The following TTLL7 variants were observed in gnomAD, a reference collection of about 807,000 sequenced individuals.
TTLL7 encodes tubulin polyglutamylase TTLL7.
TTLL7 carries 53 observed loss-of-function variants against 120.2 expected under a neutral mutation model. That is an observed-to-expected ratio of 0.44 (90% CI 0.35 to 0.55). TTLL7 has a LOEUF of 0.55. Among genes scored for constraint, TTLL7 ranks in the 20% least tolerant of loss-of-function variants. TTLL7 has a pLI of 0.00. For synonymous variants in TTLL7, 353 were observed against 351.7 expected, an observed-to-expected ratio of 1.00 and a Z score of -0.04; for missense variants, 803 against 1,054.7, an observed-to-expected ratio of 0.76 and a Z score of 3.31.
intron 13 of TTLL7, 115 bp from the exon 14 acceptor site, chr1:83,917,805 A>C (rs1417828818): frequency 2.9e-6 from 2 of 691,274 alleles, no homozygotes; most frequent in African/African-American, 3.6e-5. Flanking sequence ...TATTTAGTGA[A>C]GATTGCTCAG....
At chr1:83,902,120 T>TTCC (rs1656773007) in intron 18 of TTLL7, 1 of 151,950 alleles carries the variant, frequency 6.6e-6, no homozygotes, top group African/African-American at 2.4e-5. Flanking sequence ...TGCTCTTGAT[T>TTCC]AGGAAAACCC....
intron 20 of TTLL7, among the ~76,000 whole-genome samples, chr1:83,881,196 C>T (rs1033375975): frequency 6.6e-6 from 1 of 151,694 alleles, no homozygotes; most frequent in African/African-American, 2.4e-5. Flanking sequence ...GACTTCATGT[C>T]TAAAACACCA....
At position 83,998,951 on chromosome 1, in the gene TTLL7, C is replaced by CCGGGTCCT. The variant is rs763953707; in HGVS notation, c.-205_-198dup. The CCGGGTCCT allele has an allele frequency of 7.0e-6, 3 of 429,370 alleles. No homozygotes were observed. The highest frequency in any genetic ancestry group is 6.3e-5 in the African/African-American group (3 of 47,526). The allele number at this position is 429,370 out of a possible 1,614,324, so 26.6% of individuals were successfully genotyped here. A position where few individuals can be genotyped will look rare whatever the true frequency, so the allele number is the denominator to read the frequency against. ...CTCACCCGGGTGAGGAAAGCCCAGC[C>CCGGGTCCT]CGGGTCCTCGCGTCCCCGCTGCAAG... On this transcript the variant is annotated 5_prime_UTR_variant, in exon 1 of 21. Transcript: ENST00000260505.
intron 10 of TTLL7, among the ~76,000 whole-genome samples, chr1:83,928,218 T>C (rs1004993856): frequency 4.6e-5 from 7 of 152,090 alleles, no homozygotes; most frequent in Non-Finnish European, 8.8e-5. Context: ...GCAAAAAACA[T>C]GTATAGGCAT....
At chr1:83,903,956 G>A in intron 18 of TTLL7, 123 bp downstream of exon 18, 1 of 748,218 alleles carries the variant, frequency 1.3e-6, no homozygotes, top group East Asian at 2.7e-5. Context: ...TACTTAATAA[G>A]TGTTTGTTGA....
At chr1:83,888,996 G>A (rs1655207751) in intron 19 of TTLL7, among the ~76,000 whole-genome samples, 1 of 151,924 alleles carries the variant, frequency 6.6e-6, no homozygotes, top group Non-Finnish European at 1.5e-5. Context: ...TACTTTATCT[G>A]TATCTCTTTT....
intron 1 of TTLL7, among the ~76,000 whole-genome samples, chr1:83,998,464 T>C (rs1343617534): frequency 6.6e-6 from 1 of 152,110 alleles, no homozygotes; most frequent in African/African-American, 2.4e-5. Context: ...GTGGAGAAAG[T>C]GAGAGGTACC....
chr1:83,903,692 G>GAA (rs1248694804), intron 18 of TTLL7, among the ~76,000 whole-genome samples: 1 of 151,606 alleles, frequency 6.6e-6, no homozygotes, highest in Non-Finnish European at 1.5e-5. Context: ...AATGACAAGG[G>GAA]AAAAAAAGTC....
rs1175286932 is a variant in TTLL7, at chr1:83,921,303, C to G, written c.1234G>C (p.Gly412Arg). Residue 412 changes from glycine to arginine, a missense_variant, in exon 11 of 21, where the codon GGC becomes CGC. Transcript: ENST00000260505. Reference sequence around the variant, plus strand: ...CTCTGCTGTTCCCAGTCTGAGGAGCCTGGTAAGAGCCTTTTAATTGAATTT... The same window carrying G: ...CTCTGCTGTTCCCAGTCTGAGGAGCGTGGTAAGAGCCTTTTAATTGAATTT... Reference protein sequence around the residue: ...GQNSIKRLLPGSSDWEQQRHQ... With the variant: ...GQNSIKRLLPRSSDWEQQRHQ... 6.2e-7 allele frequency: 1 copy of G among 1,613,156 alleles called. No homozygotes were observed. The highest frequency in any genetic ancestry group is 1.1e-5 in the South Asian group (1 of 91,006).
rs1241386299 is a variant in TTLL7 at position 83,960,678 on chromosome 1, T to G, written c.-176-8291A>C. On this transcript the variant is annotated intron_variant, in intron 1 of 20. Transcript: ENST00000260505. ...ATAAGAGATAAGGGAATCCTCTACT[T>G]TTATAGGTAAAATGGTGTTAATTAA... 2.6e-5 allele frequency among the ~76,000 whole-genome samples: 4 copies of G among 152,148 alleles called. No individual in the cohort carries two copies. In the South Asian group the frequency reaches 8.3e-4, roughly 32 times the overall value.
At chr1:83,871,839 G>C (rs1280908242) in intron 20 of TTLL7, among the ~76,000 whole-genome samples, 1 of 148,322 alleles carries the variant, frequency 6.7e-6, no homozygotes, top group Non-Finnish European at 1.5e-5. Context: ...AGAGCTTGCA[G>C]TGAGCCGAGA....
chr1:83,869,969 T>C lies in TTLL7; in HGVS notation c.2657A>G (p.His886Arg), dbSNP rs1389027281. 6.3e-7 allele frequency: 1 copy of C among 1,592,178 alleles called. No homozygotes were observed. Among genetic ancestry groups the C allele is most frequent in the Non-Finnish European group, 8.5e-7 (1 of 1,173,324 alleles). Residue 886 changes from histidine to arginine, a missense_variant, in exon 21 of 21, where the codon CAT becomes CGT. By Grantham distance (29) the His-to-Arg change is conservative. This residue lies in a region of TTLL7 where 388 missense variants were observed against 450.4 expected (regional missense o/e 0.86). Transcript: ENST00000260505. Reference sequence around the variant, plus strand: ...GCGATCTTCCCTTCTGTTTCACAGATGGCCATATCTGGATGTAAACAAAAC... The same window carrying C: ...GCGATCTTCCCTTCTGTTTCACAGACGGCCATATCTGGATGTAAACAAAAC... ...SNVLFTSRYG[H>R]L
intron 19 of TTLL7, among the ~76,000 whole-genome samples, chr1:83,888,685 A>C (rs1655177539): frequency 6.6e-6 from 1 of 151,968 alleles, no homozygotes. Flanking sequence ...GAAAACGACA[A>C]ATTTTTAAGA....
chr1:83,907,695 G>T (rs772274327), intron 15 of TTLL7, 34 bp from the exon 16 acceptor site: 2 of 1,584,206 alleles, frequency 1.3e-6, no homozygotes, highest in South Asian at 1.1e-5. Context: ...TACTACAGTA[G>T]CAGTATTAAT....
intron 20 of TTLL7, among the ~76,000 whole-genome samples, chr1:83,873,529 T>C (rs746494663): frequency 1.4e-4 from 22 of 152,120 alleles, no homozygotes; most frequent in Admixed American, 3.3e-4. Flanking sequence ...TAGCTTATTC[T>C]TTACATATGA....
At chr1:83,887,274 T>A (rs1219775427) in intron 19 of TTLL7, 6 of 1,204,396 alleles carry the variant, frequency 5.0e-6, no homozygotes, top group Non-Finnish European at 6.5e-6. Context: ...TTTCTAAGAT[T>A]TTACACGTAA....
At chr1:83,951,723 G>T (rs1649072099) in intron 3 of TTLL7, 122 bp downstream of exon 3, 3 of 1,041,522 alleles carry the variant, frequency 2.9e-6, no homozygotes, top group Non-Finnish European at 2.7e-6. Flanking sequence ...TTTATAGAAG[G>T]CATTTAAAAA....
At chr1:83,901,732 C>T (rs1412121051) in intron 18 of TTLL7, among the ~76,000 whole-genome samples, 1 of 151,854 alleles carries the variant, frequency 6.6e-6, no homozygotes, top group Non-Finnish European at 1.5e-5. Flanking sequence ...CAAATATTTG[C>T]TGAATGAGTT....
intron 5 of TTLL7, among the ~76,000 whole-genome samples, chr1:83,948,048 G>A (rs951542785): frequency 8.5e-5 from 13 of 152,194 alleles, no homozygotes; most frequent in African/African-American, 2.6e-4. Context: ...ATTGGTTGCA[G>A]AGATAAATAT....
Sources: gnomAD v4.1 joint callset for allele counts (sites outside exome capture counted in the v4.1 genomes callset) on GRCh38, gnomAD v4.1.1 for gene constraint, gnomAD v4.1.1 regional missense constraint, MANE v1.5 for transcripts, NCBI Gene and HGNC (gene_info 2026-07-23, HGNC 2026-07-21) for gene names.